NFKB1: variants seen among roughly 807,000 people sequenced by gnomAD.
The protein encoded by NFKB1 is nuclear factor kappa B subunit 1.
A neutral mutation model predicts 105.1 loss-of-function variants in NFKB1; 9 were observed. The observed-to-expected ratio is 0.09, with a 90% confidence interval of 0.05 to 0.15. The LOEUF (loss-of-function observed/expected upper bound fraction) is 0.15. Ranked by LOEUF, NFKB1 falls within the 10% of genes least tolerant of loss-of-function variation. NFKB1 has a pLI of 1.00. For missense variants in NFKB1, 830 were observed against 1,203.7 expected, an observed-to-expected ratio of 0.69 and a Z score of 4.59; for synonymous variants, 440 against 442.2, an observed-to-expected ratio of 1.00 and a Z score of 0.06.
intron 16 of NFKB1, among the ~76,000 whole-genome samples, chr4:102,603,390 T>A (rs922947148): frequency 1.3e-5 from 2 of 151,882 alleles, no homozygotes; most frequent in African/African-American, 4.8e-5. Flanking sequence ...GATTTTTTTT[T>A]TATATCCTAA....
intron 1 of NFKB1, among the ~76,000 whole-genome samples, chr4:102,518,537 T>C (rs1740353899): frequency 6.6e-6 from 1 of 152,210 alleles, no homozygotes; most frequent in Non-Finnish European, 1.5e-5. Flanking sequence ...TGTTTTTGCC[T>C]ATTTGCCTTC....
At chr4:102,538,704 AGACT>A (rs568951463) in intron 5 of NFKB1, among the ~76,000 whole-genome samples, 24 of 152,352 alleles carry the variant, frequency 1.6e-4, no homozygotes, top group South Asian at 4.1e-4. Flanking sequence ...TATGTTTCAT[AGACT>A]GACTGATGAT....
At chr4:102,517,619 A>G (rs1463670186) in intron 1 of NFKB1, among the ~76,000 whole-genome samples, 1 of 152,220 alleles carries the variant, frequency 6.6e-6, no homozygotes, top group South Asian at 2.1e-4. Context: ...CTAGTGTTAA[A>G]TCACCAGTAT....
intron 5 of NFKB1, among the ~76,000 whole-genome samples, chr4:102,538,172 C>A (rs1741763458): frequency 1.3e-5 from 2 of 152,184 alleles, no homozygotes; most frequent in Admixed American, 6.5e-5. Context: ...GAAATGTCTT[C>A]AGCATTAGCT....
intron 3 of NFKB1, among the ~76,000 whole-genome samples, chr4:102,533,410 CTT>C (rs1741429813): frequency 6.6e-6 from 1 of 152,200 alleles, no homozygotes; most frequent in Non-Finnish European, 1.5e-5. Context: ...AGCACACTCT[CTT>C]TGAGGAAGGA....
chr4:102,581,771 A>T (rs1363746961), intron 9 of NFKB1, among the ~76,000 whole-genome samples: 2 of 152,228 alleles, frequency 1.3e-5, no homozygotes, highest in African/African-American at 2.4e-5. Flanking sequence ...AGTAAACACA[A>T]TCTGAGTACC....
At chr4:102,530,703 G>A (rs1741231647) in intron 3 of NFKB1, among the ~76,000 whole-genome samples, 1 of 152,080 alleles carries the variant, frequency 6.6e-6, no homozygotes, top group African/African-American at 2.4e-5. Context: ...TGTCTTCATT[G>A]GGGGACTTTA....
chr4:102,565,202 A>T (rs938088524), intron 5 of NFKB1, among the ~76,000 whole-genome samples: 1 of 151,808 alleles, frequency 6.6e-6, no homozygotes, highest in Non-Finnish European at 1.5e-5. Context: ...GGTGGTCAAG[A>T]TCAAATTTAA....
chr4:102,590,670 C>T (rs1726093397), intron 11 of NFKB1, among the ~76,000 whole-genome samples: 1 of 152,202 alleles, frequency 6.6e-6, no homozygotes, highest in South Asian at 2.1e-4. Context: ...GCTCTACTGA[C>T]TGGCAATTCC....
intron 3 of NFKB1, among the ~76,000 whole-genome samples, chr4:102,532,985 G>A (rs1741396387): frequency 6.6e-6 from 1 of 152,154 alleles, no homozygotes; most frequent in Non-Finnish European, 1.5e-5. Context: ...GAATTTTCAA[G>A]TCAGATACCA....
intron 5 of NFKB1, among the ~76,000 whole-genome samples, chr4:102,553,834 G>T (rs1722795362): frequency 1.3e-5 from 2 of 152,094 alleles, no homozygotes; most frequent in South Asian, 4.1e-4. Flanking sequence ...TAACATGAAG[G>T]TTTTTCTTTG....
At chr4:102,549,444 CATATA>C (rs768010519) in intron 5 of NFKB1, among the ~76,000 whole-genome samples, 41 of 148,446 alleles carry the variant, frequency 2.8e-4, no homozygotes, top group East Asian at 1.8e-3. Context: ...GTTTTATATA[CATATA>C]ATATATATTC....
At chr4:102,506,844 A>C (rs2149094292) in intron 1 of NFKB1, among the ~76,000 whole-genome samples, 1 of 151,930 alleles carries the variant, frequency 6.6e-6, no homozygotes, top group African/African-American at 2.4e-5. Context: ...ACAAACATTC[A>C]AGTTTAAAAA....
intron 5 of NFKB1, among the ~76,000 whole-genome samples, chr4:102,554,623 A>G (rs576634745): frequency 6.6e-6 from 1 of 152,284 alleles, no homozygotes; most frequent in Admixed American, 6.5e-5. Flanking sequence ...GCATAAACTG[A>G]CACTGTGAAG....
At position 102,579,057 on chromosome 4, in the gene NFKB1, AAC is replaced by A; in HGVS notation, c.730+20_730+21del. 2 of 1,606,756 alleles carry A rather than the reference AAC, an allele frequency of 1.2e-6. No homozygotes were observed. Among genetic ancestry groups the A allele is most frequent in the Non-Finnish European group, 1.7e-6 (2 of 1,174,942 alleles). ...TGACAGTAGTGAGTACTTCACTTCC[AAC>A]AGGGGGCACACCAAGAATAGACTTC... On this transcript the variant is annotated intron_variant, in intron 8 of 23. Transcript: ENST00000226574.
At chr4:102,614,669 C>A (rs1728772343) in intron 23 of NFKB1, among the ~76,000 whole-genome samples, 1 of 152,138 alleles carries the variant, frequency 6.6e-6, no homozygotes, top group Non-Finnish European at 1.5e-5. Context: ...GATCTGGTCA[C>A]CTCCTTTTCA....
chr4:102,604,287 AT>A (rs1039139013), intron 16 of NFKB1, among the ~76,000 whole-genome samples: 1 of 152,160 alleles, frequency 6.6e-6, no homozygotes, highest in Non-Finnish European at 1.5e-5. Flanking sequence ...AACCTTTAAA[AT>A]TTTTTTAATT....
intron 21 of NFKB1, 35 bp from the exon 22 acceptor site, chr4:102,612,399 T>G: frequency 6.2e-7 from 1 of 1,602,340 alleles, no homozygotes; most frequent in Non-Finnish European, 8.5e-7. Flanking sequence ...CTATGGCATG[T>G]TAGAACAAGT....
intron 5 of NFKB1, among the ~76,000 whole-genome samples, chr4:102,562,595 A>G (rs545280987): frequency 6.6e-6 from 1 of 152,310 alleles, no homozygotes; most frequent in Admixed American, 6.5e-5. Context: ...CAAGCACTGC[A>G]TTAACTCATT....
Sources: gnomAD v4.1 joint callset for allele counts (sites outside exome capture counted in the v4.1 genomes callset) on GRCh38, gnomAD v4.1.1 for gene constraint, MANE v1.5 for transcripts, NCBI Gene and HGNC (gene_info 2026-07-23, HGNC 2026-07-21) for gene names.